KLHDC4: variants seen among roughly 807,000 people sequenced by gnomAD.
The protein encoded by KLHDC4 is kelch domain containing 4.
KLHDC4 carries 90 observed loss-of-function variants against 62.4 expected under a neutral mutation model. The ratio of observed to expected loss-of-function variants is 1.44; its 90% CI spans 1.22 to 1.72. The LOEUF (loss-of-function observed/expected upper bound fraction) is 1.72, where lower values mean the gene tolerates loss of function less well. KLHDC4 is among the 40% of genes most tolerant of loss of function. KLHDC4 has a pLI of 0.00. For synonymous variants in KLHDC4, 386 were observed against 284.4 expected (o/e 1.36, Z -3.59); for missense variants, 1,025 against 699.7 (o/e 1.47, Z -5.25).
chr16:87,732,754 T>C (rs1327957040), intron 5 of KLHDC4, among the ~76,000 whole-genome samples: 1 of 152,140 alleles, frequency 6.6e-6, no homozygotes, highest in Admixed American at 6.5e-5. Context: ...AAGCAAATCC[T>C]ATCCCAGCTT....
chr16:87,748,648 C>G, intron 5 of KLHDC4, 25 bp downstream of exon 5: 3 of 1,613,548 alleles, frequency 1.9e-6, no homozygotes, highest in Non-Finnish European at 2.5e-6. Context: ...ATGCCCGGAG[C>G]TCAGCTTCTC....
downstream of KLHDC4, among the ~76,000 whole-genome samples, chr16:87,705,247 T>C (rs7203179): frequency 0.54 from 81,586 of 152,192 alleles, 22,595 homozygotes; most frequent in African/African-American, 0.68. Context: ...CGCCCTACGG[T>C]GGCTATCTGG....
At chr16:87,722,024 C>G (rs111444781) in intron 7 of KLHDC4, among the ~76,000 whole-genome samples, 3 of 152,158 alleles carry the variant, frequency 2.0e-5, no homozygotes, top group Non-Finnish European at 1.5e-5. Context: ...AGAACTCCCC[C>G]TCTCCAGAAG....
chr16:87,725,514 T>C (rs1010970527), intron 7 of KLHDC4, among the ~76,000 whole-genome samples: 1 of 152,164 alleles, frequency 6.6e-6, no homozygotes, highest in Non-Finnish European at 1.5e-5. Flanking sequence ...TATACAGGTG[T>C]TCCCCGTAAA....
chr16:87,722,013 G>A (rs1245494773), intron 7 of KLHDC4, among the ~76,000 whole-genome samples: 1 of 152,048 alleles, frequency 6.6e-6, no homozygotes, highest in African/African-American at 2.4e-5. Flanking sequence ...CTAAAGGAAC[G>A]AGAACTCCCC....
chr16:87,719,163 G>T (rs906622752), intron 7 of KLHDC4, among the ~76,000 whole-genome samples: 2 of 152,258 alleles, frequency 1.3e-5, no homozygotes, highest in African/African-American at 4.8e-5. Flanking sequence ...CCCCGTCTGG[G>T]AGGAGTACCC....
intron 4 of KLHDC4, chr16:87,750,483 T>C (rs958710393): frequency 6.6e-6 from 1 of 152,296 alleles, no homozygotes; most frequent in African/African-American, 2.4e-5. Context: ...TCAGCCGTGG[T>C]CATTGCAGAG....
Position 87,726,837 on chromosome 16 carries a change from TG to T in KLHDC4, c.686del (p.Thr229AsnfsTer43), listed in dbSNP as rs778028985. On this transcript the variant is annotated frameshift_variant, in exon 7 of 12. Transcript: ENST00000270583. LOFTEE classifies it high-confidence loss of function. Reference sequence around the variant, plus strand: ...CGGACATCTGGCAGCCTGATCTGGGTGTGGGCCCCGTCCCTGACGGGGACAG... The same window carrying T: ...CGGACATCTGGCAGCCTGATCTGGGTTGGGCCCCGTCCCTGACGGGGACAG... ...SKLSPSGTGPTPRSGCQMSVT... is the reference protein window; with the variant it reads ...SKLSPSGTGPXPRSGCQMSVT... The T allele has an allele frequency of 3.7e-6, 6 of 1,611,652 alleles. No individual in the cohort carries two copies. Among genetic ancestry groups the T allele is most frequent in the African/African-American group, 1.3e-5 (1 of 74,356 alleles).
intron 9 of KLHDC4, chr16:87,710,374 G>A (rs2035554728): frequency 6.6e-6 from 1 of 152,274 alleles, no homozygotes; most frequent in Non-Finnish European, 1.5e-5. Context: ...ACTACCTCCA[G>A]ATCAACCCAA....
At chr16:87,733,538 C>G (rs2040769389) in intron 5 of KLHDC4, among the ~76,000 whole-genome samples, 1 of 152,242 alleles carries the variant, frequency 6.6e-6, no homozygotes, top group Non-Finnish European at 1.5e-5. Context: ...AGGAGGGTTG[C>G]TGGGCACAGT....
chr16:87,762,168 C>G lies in KLHDC4; in HGVS notation c.100-128G>C, dbSNP rs145468455. The G allele has an allele frequency of 1.4e-3, 2,078 of 1,492,108 alleles. 7 individuals carry two copies. The highest frequency in any genetic ancestry group is 6.5e-3 in the Middle Eastern group (26 of 4,008). 92.4% of individuals were successfully genotyped at this position (1,492,108 alleles called of 1,614,324 possible). ...AGTCACATCTGTGAATTGCAACATA[C>G]TGTGCCTGTTTGAAATGCAGAGTTT... On this transcript the variant is annotated intron_variant, in intron 1 of 11. Coordinates refer to ENST00000270583, the MANE Select transcript of KLHDC4 (RefSeq NM_017566.4).
intron 4 of KLHDC4, 44 bp from the exon 5 acceptor site, chr16:87,748,853 G>C (rs375963249): frequency 5.8e-5 from 94 of 1,608,432 alleles, no homozygotes; most frequent in Non-Finnish European, 7.8e-5. Context: ...CCACACAGCA[G>C]AAGGGCCAGT....
chr16:87,751,900 T>G (rs923540677), intron 4 of KLHDC4, among the ~76,000 whole-genome samples: 1 of 150,200 alleles, frequency 6.7e-6, no homozygotes, highest in Admixed American at 6.6e-5. Flanking sequence ...GGTGAAACCC[T>G]ATTTCTACTA....
intron 4 of KLHDC4, among the ~76,000 whole-genome samples, chr16:87,752,880 C>G (rs973299455): frequency 6.6e-6 from 1 of 152,236 alleles, no homozygotes; most frequent in African/African-American, 2.4e-5. Flanking sequence ...ACCACGTTAG[C>G]TCCGCACCAT....
chr16:87,736,722 G>A (rs1682359738), intron 5 of KLHDC4, among the ~76,000 whole-genome samples: 4 of 152,184 alleles, frequency 2.6e-5, no homozygotes, highest in African/African-American at 9.7e-5. Context: ...TTACTACTCA[G>A]AGAAAAACCA....
intron 7 of KLHDC4, among the ~76,000 whole-genome samples, chr16:87,725,019 A>T (rs1567709364): frequency 6.6e-6 from 1 of 152,254 alleles, no homozygotes; most frequent in Non-Finnish European, 1.5e-5. Flanking sequence ...CTTCAGCACG[A>T]AGCAGCAATG....
chr16:87,756,587 T>C lies in KLHDC4; in HGVS notation c.192-110A>G. 4.0e-6 allele frequency: 3 copies of C among 746,812 alleles called. No individual in the cohort carries two copies. The Admixed American group carries it at 7.1e-5, about 18-fold the overall frequency. The allele number at this position is 746,812 out of a possible 1,614,324, so 46.3% of individuals were successfully genotyped here. ...CACCACAAACTGGCTGCCTCTACAC[T>C]TCCTGAAAGGAGAGCCTGGCATCGA... On this transcript the variant is annotated intron_variant, in intron 2 of 11. Transcript: ENST00000270583.
At chr16:87,758,685 A>C (rs985784781) in intron 2 of KLHDC4, among the ~76,000 whole-genome samples, 4 of 152,232 alleles carry the variant, frequency 2.6e-5, no homozygotes, top group Non-Finnish European at 4.4e-5. Context: ...AGCTTTAAAA[A>C]AAAATCTCAT....
At chr16:87,763,920 CCA>C (rs1489219045) in intron 1 of KLHDC4, among the ~76,000 whole-genome samples, 1 of 152,170 alleles carries the variant, frequency 6.6e-6, no homozygotes, top group Non-Finnish European at 1.5e-5. Flanking sequence ...ATAGGTAAGA[CCA>C]CAGACACAAC....
Sources: allele counts gnomAD v4.1 joint callset (sites outside exome capture counted in the v4.1 genomes callset), GRCh38; gene constraint gnomAD v4.1.1; transcripts MANE v1.5; gene names NCBI Gene and HGNC (gene_info 2026-07-23, HGNC 2026-07-21).